The following CACNA1C variants were observed in gnomAD, a reference collection of about 807,000 sequenced individuals.
CACNA1C encodes the protein voltage-dependent L-type calcium channel subunit alpha-1C.
CACNA1C carries 30 observed loss-of-function variants against 229.0 expected under a neutral mutation model. The ratio of observed to expected loss-of-function variants is 0.13; its 90% CI spans 0.10 to 0.18. The LOEUF (loss-of-function observed/expected upper bound fraction) is 0.18. Ranked by LOEUF, CACNA1C falls within the 10% of genes least tolerant of loss-of-function variation. CACNA1C has a pLI of 1.00. For synonymous variants in CACNA1C, 1,114 were observed against 1,132.5 expected (o/e 0.98, Z 0.33); for missense variants, 1,658 against 2,845.0 (o/e 0.58, Z 9.49).
At chr12:2,481,990 G>A (rs749496481) in intron 5 of CACNA1C, among the ~76,000 whole-genome samples, 5 of 152,378 alleles carry the variant, frequency 3.3e-5, no homozygotes, top group Admixed American at 3.3e-4. Context: ...GAGAAATGTC[G>A]TGTATTTTCC....
chr12:2,335,245 G>C (rs2154517325), intron 3 of CACNA1C, among the ~76,000 whole-genome samples: 1 of 152,310 alleles, frequency 6.6e-6, no homozygotes, highest in Non-Finnish European at 1.5e-5. Flanking sequence ...AGTGGCCCCA[G>C]TGATTTATGA....
intron 3 of CACNA1C, among the ~76,000 whole-genome samples, chr12:2,334,765 T>C (rs1265136389): frequency 1.3e-5 from 2 of 152,130 alleles, no homozygotes; most frequent in Non-Finnish European, 2.9e-5. Flanking sequence ...AACTGTCCCA[T>C]TGTATGATGC....
rs59324696 is a variant in CACNA1C, at chr12:2,501,209, C to CAAAAAAAAAAAA, written c.1114-3619_1114-3608dup. On this transcript the variant is annotated intron_variant, in intron 7 of 46. Transcript: ENST00000399655. The stretch of plus-strand genomic sequence containing the variant: ...TGGGCGACAGAGTGAGACTCCACCT[C>CAAAAAAAAAAAA]AAAAAAAAAAAAAAAAAAAAAAAAA... Among the ~76,000 whole-genome samples, 98 of 31,362 alleles carry CAAAAAAAAAAAA rather than the reference C, an allele frequency of 3.1e-3. 5 individuals carry two copies. The highest frequency in any genetic ancestry group is 3.7e-3 in the Non-Finnish European group (71 of 19,276). 20.6% of individuals were successfully genotyped at this position (31,362 alleles called of 152,430 possible). A position where few individuals can be genotyped will look rare whatever the true frequency, so the allele number is the denominator to read the frequency against.
At chr12:2,388,888 T>C (rs1457633655) in intron 3 of CACNA1C, among the ~76,000 whole-genome samples, 1 of 152,216 alleles carries the variant, frequency 6.6e-6, no homozygotes, top group Non-Finnish European at 1.5e-5. Context: ...CCGAGTGCAG[T>C]TGTCTAGGAG....
At chr12:2,182,131 CAA>C (rs56365126) in intron 3 of CACNA1C, among the ~76,000 whole-genome samples, 31,625 of 85,992 alleles carry the variant, frequency 0.37, 4,127 homozygotes, top group African/African-American at 0.49. Flanking sequence ...TTTCTGTCTG[CAA>C]AAAAAAAAAA....
intron 3 of CACNA1C, among the ~76,000 whole-genome samples, chr12:2,211,479 T>C (rs1015597556): frequency 1.3e-5 from 2 of 152,188 alleles, no homozygotes; most frequent in Admixed American, 6.5e-5. Context: ...TGCTGTAGTT[T>C]TGTAAATCTA....
Position 2,666,557 on chromosome 12 carries a change from A to AATAG in CACNA1C, c.4527-128_4527-125dup. On this transcript the variant is annotated intron_variant, in intron 36 of 46. Coordinates refer to ENST00000399655, the MANE Select transcript of CACNA1C (RefSeq NM_000719.7). The surrounding 1 kb of genome is among the most constrained non-coding windows in gnomAD (Gnocchi z 5.3). ...CTGCAACTCTGTACTGAGTGTGACT[A>AATAG]ATAGGGCTACCACACTGTGCAGTGT... The AATAG allele has an allele frequency of 3.3e-6, 2 of 606,682 alleles. No individual in the cohort carries two copies. Among genetic ancestry groups the AATAG allele is most frequent in the Non-Finnish European group, 6.0e-6 (2 of 334,380 alleles). The allele number at this position is 606,682 out of a possible 1,614,324, so 37.6% of individuals were successfully genotyped here.
At chr12:2,019,529 A>C (rs2046020467) in intron 1 of CACNA1C, among the ~76,000 whole-genome samples, 1 of 150,076 alleles carries the variant, frequency 6.7e-6, no homozygotes. Context: ...GGAAGGAAGG[A>C]AAAGAAAGGA....
chr12:2,682,508 G>A (rs757929826), intron 42 of CACNA1C, 42 bp from the exon 43 acceptor site: 1 of 1,601,092 alleles, frequency 6.2e-7, no homozygotes. Flanking sequence ...GTGGAGGAAG[G>A]TTGGCAGTTT....
chr12:2,427,069 G>T (rs1004428198), intron 3 of CACNA1C, among the ~76,000 whole-genome samples: 2 of 152,196 alleles, frequency 1.3e-5, no homozygotes, highest in Non-Finnish European at 2.9e-5. Flanking sequence ...CAGATGGGTT[G>T]GTTGGATTGG....
intron 1 of CACNA1C, among the ~76,000 whole-genome samples, chr12:2,017,556 GAA>G (rs1229800458): frequency 6.6e-6 from 1 of 152,110 alleles, no homozygotes; most frequent in Non-Finnish European, 1.5e-5. Flanking sequence ...AGTGAGGGGA[GAA>G]GAGATGGTCT....
intron 14 of CACNA1C, 145 bp from the exon 15 acceptor site, chr12:2,582,677 A>T: frequency 1.3e-6 from 1 of 752,830 alleles, no homozygotes; most frequent in Non-Finnish European, 2.2e-6. Context: ...GCCCCTGGGG[A>T]GGAGAATTGG....
At chr12:2,450,829 C>T (rs1016984122) in intron 4 of CACNA1C, among the ~76,000 whole-genome samples, 25 of 152,232 alleles carry the variant, frequency 1.6e-4, no homozygotes, top group African/African-American at 6.0e-4. Context: ...TTTGTGCCAT[C>T]CCGGAGGAGA....
chr12:2,095,862 T>G (rs1227452823), intron 1 of CACNA1C, among the ~76,000 whole-genome samples: 1 of 152,240 alleles, frequency 6.6e-6, no homozygotes, highest in Non-Finnish European at 1.5e-5. Flanking sequence ...GGATGGAGGC[T>G]GTGTGCTTCT....
intron 1 of CACNA1C, among the ~76,000 whole-genome samples, chr12:2,059,502 G>A (rs1036048811): frequency 3.0e-4 from 45 of 151,598 alleles, no homozygotes; most frequent in African/African-American, 1.0e-3. Flanking sequence ...TAACTGGCAA[G>A]AAACCCAAAC....
intron 1 of CACNA1C, among the ~76,000 whole-genome samples, chr12:2,040,684 G>A (rs1186056485): frequency 6.6e-6 from 1 of 152,220 alleles, no homozygotes; most frequent in Non-Finnish European, 1.5e-5. Flanking sequence ...TGGAATTGTG[G>A]TTAATGATAT....
intron 1 of CACNA1C, among the ~76,000 whole-genome samples, chr12:1,979,773 T>C (rs1053842271): frequency 2.6e-5 from 4 of 152,222 alleles, no homozygotes; most frequent in Admixed American, 1.3e-4. Context: ...ACATCCTCAT[T>C]AACACTTGTC....
chr12:2,677,859 A>G lies in CACNA1C; in HGVS notation c.5083A>G (p.Ile1695Val). The G allele has an allele frequency of 6.2e-7, 1 of 1,613,930 alleles. No homozygotes were observed. Among genetic ancestry groups the G allele is most frequent in the Non-Finnish European group, 8.5e-7 (1 of 1,179,866 alleles). Residue 1695 changes from isoleucine (I) to valine (V), a missense_variant, in exon 41 of 47, where the codon ATC (isoleucine) becomes GTC (valine). Physicochemically the swap from Ile to Val is conservative, Grantham distance 29. Coordinates refer to ENST00000399655, the MANE Select transcript of CACNA1C (RefSeq NM_000719.7). This position sits in a 1 kb window ranked among gnomAD's most constrained non-coding sequence, Gnocchi z 7.4. ...TGTGTCCGCTGCTTCTGAAGATGAC[A>G]TCTTCAGGGTGGGTGGTGCCATGGC... ...EAVSAASEDD[I>V]FRRAGGLFGN...
At position 2,462,059 on chromosome 12, in the gene CACNA1C, C is replaced by T. The variant is rs114814297; in HGVS notation, c.757+4353C>T. On this transcript the variant is annotated intron_variant, in intron 5 of 46. Transcript: ENST00000399655. The stretch of plus-strand genomic sequence containing the variant: ...CCTGCGATCTCACGCCTCCTTCCTC[C>T]CTAAGCTCACCCCCTTCACCCTCCC... 1.8e-3 allele frequency among the ~76,000 whole-genome samples: 280 copies of T among 152,264 alleles called. 1 individual carries two copies. Among genetic ancestry groups the T allele is most frequent in the Middle Eastern group, 6.8e-3 (2 of 294 alleles).
Sources: allele counts gnomAD v4.1 joint callset (sites outside exome capture counted in the v4.1 genomes callset), GRCh38; gene constraint gnomAD v4.1.1; non-coding constraint Gnocchi (gnomAD v3.1); transcripts MANE v1.5; gene names NCBI Gene and HGNC (gene_info 2026-07-23, HGNC 2026-07-21).